The following RGS22 variants were observed in gnomAD, a reference collection of about 807,000 sequenced individuals.
RGS22 encodes regulator of G-protein signaling 22.
In RGS22, 148 loss-of-function variants were observed where a neutral mutation model predicts 172.9. That is an observed-to-expected ratio of 0.86 (90% CI 0.75 to 0.98). The LOEUF (loss-of-function observed/expected upper bound fraction) is 0.98. RGS22 is among the 50% of genes least tolerant of loss of function. The pLI, the probability that RGS22 is intolerant of heterozygous loss-of-function variation, is 0.00. For missense variants in RGS22, 1,347 were observed against 1,440.8 expected (o/e 0.93, Z 1.05); for synonymous variants, 458 against 480.2 (o/e 0.95, Z 0.60).
In RGS22 at chr8:100,105,948, C is replaced by T. The variant is rs1167031121; in HGVS notation, c.-27G>A. ...CCGTCCCCGCTGCCCGCGCCTGGAG[C>T]CCGCGCGGGCCGTCAGGGCCCTAGC... On this transcript the variant is annotated 5_prime_UTR_variant, in exon 1 of 28. Coordinates refer to ENST00000360863, the MANE Select transcript of RGS22 (RefSeq NM_015668.5). The T allele has an allele frequency of 2.8e-6, 4 of 1,453,504 alleles. No individual in the cohort carries two copies. Among genetic ancestry groups the T allele is most frequent in the Non-Finnish European group, 3.6e-6 (4 of 1,107,212 alleles). 90.0% of individuals were successfully genotyped at this position (1,453,504 alleles called of 1,614,324 possible).
At chr8:100,074,868 C>T (rs999976005) in intron 4 of RGS22, among the ~76,000 whole-genome samples, 9 of 151,910 alleles carry the variant, frequency 5.9e-5, no homozygotes, top group South Asian at 4.1e-4. Context: ...CCCAGGTTCA[C>T]GCCATTCTCC....
chr8:100,060,846 G>A (rs747303165), intron 9 of RGS22, among the ~76,000 whole-genome samples: 2 of 152,024 alleles, frequency 1.3e-5, no homozygotes, highest in Non-Finnish European at 2.9e-5. Flanking sequence ...ACCAAAAAGA[G>A]CCTAAACAGC....
intron 14 of RGS22, among the ~76,000 whole-genome samples, chr8:100,032,210 G>A (rs1563641764): frequency 6.6e-6 from 1 of 152,134 alleles, no homozygotes; most frequent in Non-Finnish European, 1.5e-5. Flanking sequence ...CCAATTAAAA[G>A]ACACAGACTG....
intron 24 of RGS22, among the ~76,000 whole-genome samples, chr8:99,964,651 T>C (rs1368706746): frequency 6.6e-6 from 1 of 152,190 alleles, no homozygotes; most frequent in Admixed American, 6.5e-5. Context: ...TCTTTCAGTA[T>C]ACAGTTCCAT....
intron 2 of RGS22, among the ~76,000 whole-genome samples, chr8:100,104,329 C>CGTGTGTGT (rs34385626): frequency 0.014 from 1,997 of 140,382 alleles, 22 homozygotes; most frequent in East Asian, 0.029. Flanking sequence ...AAAATATGTG[C>CGTGTGTGT]GTGTGTGTGT....
chr8:100,068,486 G>T (rs896906273), intron 6 of RGS22, among the ~76,000 whole-genome samples: 6 of 152,074 alleles, frequency 3.9e-5, no homozygotes, highest in African/African-American at 1.4e-4. Context: ...AAACTAGTTT[G>T]GATTTTAACT....
chr8:99,966,426 A>G (rs1377231165), intron 23 of RGS22, among the ~76,000 whole-genome samples: 2 of 152,014 alleles, frequency 1.3e-5, no homozygotes, highest in African/African-American at 4.8e-5. Flanking sequence ...AAATCTATAC[A>G]AATAAAAAAT....
chr8:100,082,647 G>C (rs150722810), intron 3 of RGS22, among the ~76,000 whole-genome samples: 103 of 152,322 alleles, frequency 6.8e-4, no homozygotes, highest in African/African-American at 2.3e-3. Context: ...TAAAGTGCTA[G>C]ACAATCAGGG....
chr8:100,104,329 C>T lies in RGS22; in HGVS notation c.54+1045G>A, dbSNP rs904831259. ...GAGAGACCCTGTCTCAAAATATGTGCGTGTGTGTGTGTGTGTGTGTGTGTG... is the reference window on the plus strand; with the variant it reads ...GAGAGACCCTGTCTCAAAATATGTGTGTGTGTGTGTGTGTGTGTGTGTGTG... On this transcript the variant is annotated intron_variant, in intron 2 of 27. Coordinates refer to ENST00000360863, the MANE Select transcript of RGS22 (RefSeq NM_015668.5). 1.7e-4 allele frequency among the ~76,000 whole-genome samples: 24 copies of T among 140,356 alleles called. 1 individual carries two copies. The highest frequency in any genetic ancestry group is 3.3e-4 in the African/African-American group (12 of 36,622). 92.1% of individuals were successfully genotyped at this position (140,356 alleles called of 152,430 possible).
intron 9 of RGS22, among the ~76,000 whole-genome samples, chr8:100,060,423 C>CAT (rs1239492673): frequency 4.4e-5 from 3 of 68,092 alleles, no homozygotes; most frequent in Non-Finnish European, 1.1e-4. Flanking sequence ...TATATATATA[C>CAT]ACACACACAC....
chr8:100,101,992 C>T (rs1286269186), intron 2 of RGS22, among the ~76,000 whole-genome samples: 1 of 152,060 alleles, frequency 6.6e-6, no homozygotes, highest in Non-Finnish European at 1.5e-5. Context: ...GGACCCAGGC[C>T]CCTCTGATCT....
intron 11 of RGS22, among the ~76,000 whole-genome samples, chr8:100,044,529 G>A (rs2131623515): frequency 6.6e-6 from 1 of 152,144 alleles, no homozygotes; most frequent in South Asian, 2.1e-4. Context: ...TTACAGGCAT[G>A]AGCCACCATG....
rs747113613 is a variant in RGS22 at position 100,002,380 on chromosome 8, A to C, written c.2628-16T>G. 8.2e-6 allele frequency: 13 copies of C among 1,591,242 alleles called. No individual in the cohort carries two copies. The South Asian group carries it at 1.5e-4, about 18-fold the overall frequency. On this transcript the variant is annotated splice_polypyrimidine_tract_variant and intron_variant, in intron 17 of 27. Transcript: ENST00000360863. Reference sequence around the variant, plus strand: ...AAGATCCATGCTAAAATGAAAACAAAAACAATGTATAGCTCTTCATATTTC... The same window carrying C: ...AAGATCCATGCTAAAATGAAAACAACAACAATGTATAGCTCTTCATATTTC...
chr8:100,048,694 AAC>A (rs767059703), intron 10 of RGS22, among the ~76,000 whole-genome samples: 89 of 152,272 alleles, frequency 5.8e-4, no homozygotes, highest in Non-Finnish European at 1.1e-3. Context: ...AGTAATTCAG[AAC>A]ACAGCATGAC....
At chr8:100,064,939 G>A (rs1172582396) in intron 7 of RGS22, among the ~76,000 whole-genome samples, 1 of 152,038 alleles carries the variant, frequency 6.6e-6, no homozygotes, top group Non-Finnish European at 1.5e-5. Flanking sequence ...ACTTATGAAG[G>A]TTTACAAAGG....
intron 3 of RGS22, among the ~76,000 whole-genome samples, chr8:100,089,419 G>A (rs189834097): frequency 8.3e-4 from 126 of 152,106 alleles, no homozygotes; most frequent in Middle Eastern, 3.4e-3. Context: ...CACAGAATAC[G>A]TTAACCCTTC....
intron 9 of RGS22, among the ~76,000 whole-genome samples, chr8:100,060,024 C>G (rs369028088): frequency 1.1e-4 from 17 of 152,228 alleles, no homozygotes; most frequent in African/African-American, 3.6e-4. Flanking sequence ...TCATGCTTAG[C>G]CTTCTTTGAC....
At chr8:100,056,575 C>A (rs1298973922) in intron 9 of RGS22, among the ~76,000 whole-genome samples, 1 of 152,138 alleles carries the variant, frequency 6.6e-6, no homozygotes, top group Admixed American at 6.5e-5. Context: ...TGTGTTCCAG[C>A]TGCTCCAGCC....
chr8:100,045,401 C>A (rs931170533), intron 11 of RGS22, among the ~76,000 whole-genome samples: 1 of 152,208 alleles, frequency 6.6e-6, no homozygotes, highest in African/African-American at 2.4e-5. Flanking sequence ...TTAAAATCAT[C>A]TGCCTCCTCC....
Sources: gnomAD v4.1 joint callset for allele counts (sites outside exome capture counted in the v4.1 genomes callset) on GRCh38, gnomAD v4.1.1 for gene constraint, MANE v1.5 for transcripts, NCBI Gene and HGNC (gene_info 2026-07-23, HGNC 2026-07-21) for gene names.